The following TMEM62 variants were observed in gnomAD, a reference collection of about 807,000 sequenced individuals.
The protein encoded by TMEM62 is transmembrane protein 62.
A neutral mutation model predicts 70.4 loss-of-function variants in TMEM62; 41 were observed. The observed-to-expected ratio is 0.58, with a 90% confidence interval of 0.45 to 0.76. TMEM62 has a LOEUF of 0.76. TMEM62 is among the 30% of genes least tolerant of loss of function. TMEM62 has a pLI of 0.00. For missense variants in TMEM62, 688 were observed against 788.5 expected, an observed-to-expected ratio of 0.87 and a Z score of 1.53; for synonymous variants, 268 against 291.0, an observed-to-expected ratio of 0.92 and a Z score of 0.80.
rs2041739068 is a variant in TMEM62 at position 43,184,778 on chromosome 15, T to C, written c.*192T>C. ...CTGCAGAATGGACTGCAGAAAAGTC[T>C]CAAAAATAATGCCTTTATTCCTTCC... is the stretch of plus-strand genomic sequence containing the variant. On this transcript the variant is annotated 3_prime_UTR_variant, in exon 14 of 14. Transcript: ENST00000260403. 5.1e-6 allele frequency: 3 copies of C among 593,156 alleles called. No individual in the cohort carries two copies. The highest frequency in any genetic ancestry group is 8.9e-6 in the Non-Finnish European group (3 of 336,118). 36.7% of individuals were successfully genotyped at this position (593,156 alleles called of 1,614,324 possible). A position where few individuals can be genotyped will look rare whatever the true frequency, so the allele number is the denominator to read the frequency against.
At position 43,183,942 on chromosome 15, in the gene TMEM62, T is replaced by G. The variant is rs1042263058; in HGVS notation, c.1606-318T>G. 9.5e-5 allele frequency: 27 copies of G among 284,026 alleles called. No homozygotes were observed. The East Asian group carries it at 1.1e-3, about 11-fold the overall frequency. The allele number at this position is 284,026 out of a possible 1,614,324, so 17.6% of individuals were successfully genotyped here. The stretch of plus-strand genomic sequence containing the variant: ...CACTCCACCAAAAAAGAGGGGTTGT[T>G]GTATGTGTGTGTATACATTTACTCA... On this transcript the variant is annotated intron_variant, in intron 13 of 13. Transcript: ENST00000260403.
chr15:43,136,026 C>A (rs1451213809), intron 3 of TMEM62, among the ~76,000 whole-genome samples: 1 of 152,136 alleles, frequency 6.6e-6, no homozygotes, highest in Non-Finnish European at 1.5e-5. Context: ...TATCCCTCCC[C>A]CTGCCCCCAT....
At chr15:43,159,067 T>C (rs1471532168) in intron 9 of TMEM62, among the ~76,000 whole-genome samples, 4 of 152,226 alleles carry the variant, frequency 2.6e-5, no homozygotes, top group Non-Finnish European at 5.9e-5. Context: ...GCTTTTCTTA[T>C]GCATTTTTTT....
chr15:43,161,102 C>T (rs577017478), intron 10 of TMEM62, among the ~76,000 whole-genome samples: 8 of 151,968 alleles, frequency 5.3e-5, no homozygotes, highest in Non-Finnish European at 8.8e-5. Context: ...ATATAGGGTT[C>T]GGTACTATCT....
chr15:43,174,098 A>G (rs1339480563), intron 11 of TMEM62, among the ~76,000 whole-genome samples: 1 of 151,986 alleles, frequency 6.6e-6, no homozygotes, highest in Non-Finnish European at 1.5e-5. Context: ...TCCTGACCTC[A>G]GGTGGATCCG....
chr15:43,182,020 G>C (rs1376007100), intron 13 of TMEM62, among the ~76,000 whole-genome samples: 1 of 152,172 alleles, frequency 6.6e-6, no homozygotes, highest in East Asian at 1.9e-4. Context: ...AAATGGGTCA[G>C]TTATTCAGTG....
At chr15:43,153,600 T>C (rs935667013) in intron 8 of TMEM62, among the ~76,000 whole-genome samples, 4 of 152,236 alleles carry the variant, frequency 2.6e-5, no homozygotes, top group African/African-American at 7.2e-5. Context: ...TTTATACATG[T>C]TGTGGCATAT....
rs780673040 is a variant in TMEM62, at chr15:43,134,345, A to C, written c.269A>C (p.Gln90Pro). 83 of 1,613,934 alleles carry C rather than the reference A, an allele frequency of 5.1e-5. No individual in the cohort carries two copies. The highest frequency in any genetic ancestry group is 6.6e-5 in the Non-Finnish European group (78 of 1,179,942). Residue 90 changes from glutamine (Q) to proline (P), a missense_variant, in exon 2 of 14, where the codon CAA (glutamine) becomes CCA (proline). Gln to Pro is a moderately conservative substitution (Grantham distance 76). Coordinates refer to ENST00000260403, the MANE Select transcript of TMEM62 (RefSeq NM_024956.4). ...TGTTCTGAAACTATTGACATCATTC[A>C]ACCAGCTCTCGTCCTAGCAACAGGT... ...KFCSETIDII[Q>P]PALVLATGDL...
At chr15:43,174,727 C>T (rs1399518405) in intron 11 of TMEM62, among the ~76,000 whole-genome samples, 1 of 152,236 alleles carries the variant, frequency 6.6e-6, no homozygotes, top group Non-Finnish European at 1.5e-5. Context: ...CCCAAGGCTT[C>T]TGACCCCAGG....
intron 11 of TMEM62, among the ~76,000 whole-genome samples, chr15:43,173,621 T>C (rs1289853006): frequency 1.3e-5 from 2 of 152,198 alleles, no homozygotes; most frequent in Non-Finnish European, 2.9e-5. Context: ...CTTTAAGTTA[T>C]TTTTCTAAAC....
At chr15:43,166,987 TC>T (rs1049919887) in intron 10 of TMEM62, among the ~76,000 whole-genome samples, 43 of 151,820 alleles carry the variant, frequency 2.8e-4, no homozygotes, top group South Asian at 8.3e-4. Flanking sequence ...TTCCCCACCT[TC>T]CCCCCTTTCT....
intron 3 of TMEM62, among the ~76,000 whole-genome samples, chr15:43,136,207 G>C (rs1486587417): frequency 6.6e-6 from 1 of 152,166 alleles, no homozygotes; most frequent in Non-Finnish European, 1.5e-5. Context: ...ACAATAGACA[G>C]AGAACAGATT....
At chr15:43,142,945 C>G (rs1479835406) in intron 4 of TMEM62, among the ~76,000 whole-genome samples, 1 of 152,226 alleles carries the variant, frequency 6.6e-6, no homozygotes, top group African/African-American at 2.4e-5. Flanking sequence ...GCTAGGGTAA[C>G]AGGCGTGAGC....
chr15:43,183,068 CCTCT>C (rs536415172), intron 13 of TMEM62, among the ~76,000 whole-genome samples: 30 of 152,250 alleles, frequency 2.0e-4, no homozygotes, highest in African/African-American at 6.7e-4. Context: ...CAAACCTGTT[CCTCT>C]CTGTTTTTCC....
At chr15:43,163,787 AAAAACAAAAAAC>A (rs939467949) in intron 10 of TMEM62, among the ~76,000 whole-genome samples, 1 of 151,586 alleles carries the variant, frequency 6.6e-6, no homozygotes, top group African/African-American at 2.4e-5. Flanking sequence ...GTCTCAAAAA[AAAAACAAAAAAC>A]AAAAAAACAG....
intron 11 of TMEM62, among the ~76,000 whole-genome samples, chr15:43,175,626 G>A (rs2040642642): frequency 6.6e-6 from 1 of 152,222 alleles, no homozygotes; most frequent in Non-Finnish European, 1.5e-5. Context: ...AATTTGGAAA[G>A]TTTAGGGAAG....
intron 2 of TMEM62, among the ~76,000 whole-genome samples, chr15:43,134,709 A>G (rs2034960729): frequency 6.6e-6 from 1 of 152,238 alleles, no homozygotes; most frequent in African/African-American, 2.4e-5. Context: ...AAAAGCCTGT[A>G]ACCACGAATC....
In TMEM62 at chr15:43,160,745, G is replaced by T. The variant is rs763024260; in HGVS notation, c.1247G>T (p.Ser416Ile). The change falls in exon 10 of 14, where the codon AGT (serine) becomes ATT (isoleucine). Residue 416 changes from serine to isoleucine, a missense_variant. Ser to Ile is a moderately radical substitution (Grantham distance 142). Transcript: ENST00000260403. ...IFSVQENNHL[S>I]FDPLASFILR... is the part of the protein sequence containing the mutation. ...TCTGTTCAAGAGAATAATCATCTCA[G>T]TTTTGATCCCCTGGCATCATTTATT... 5.6e-6 allele frequency: 9 copies of T among 1,612,740 alleles called. No individual in the cohort carries two copies. Among genetic ancestry groups the T allele is most frequent in the Non-Finnish European group, 6.8e-6 (8 of 1,179,346 alleles).
chr15:43,154,011 T>C (rs2037734178), intron 8 of TMEM62, among the ~76,000 whole-genome samples: 1 of 152,246 alleles, frequency 6.6e-6, no homozygotes, highest in Non-Finnish European at 1.5e-5. Flanking sequence ...ATTTATCATA[T>C]TACCAAGCAA....
Sources: allele counts gnomAD v4.1 joint callset (sites outside exome capture counted in the v4.1 genomes callset), GRCh38; gene constraint gnomAD v4.1.1; transcripts MANE v1.5; gene names NCBI Gene and HGNC (gene_info 2026-07-23, HGNC 2026-07-21).